Variants in GRIN2A observed in about 807,000 individuals in gnomAD.
The protein encoded by GRIN2A is glutamate ionotropic receptor NMDA type subunit 2A.
Under a neutral mutation model 113.4 loss-of-function variants are expected in GRIN2A, and 22 were observed. The observed-to-expected ratio is 0.19, with a 90% CI of 0.14 to 0.28. The LOEUF (loss-of-function observed/expected upper bound fraction) is 0.28. GRIN2A is among the 10% of genes least tolerant of loss of function. GRIN2A has a pLI of 1.00. For missense variants in GRIN2A, 1,502 were observed against 1,887.0 expected (o/e 0.80, Z 3.78); for synonymous variants, 827 against 738.4 (o/e 1.12, Z -1.94).
At chr16:9,984,799 G>C (rs1471071095) in intron 2 of GRIN2A, among the ~76,000 whole-genome samples, 2 of 152,092 alleles carry the variant, frequency 1.3e-5, no homozygotes, top group Admixed American at 6.5e-5. Flanking sequence ...GGGGCATCCT[G>C]TCTCATAATT....
rs886052515 is a variant in GRIN2A at position 9,754,523 on chromosome 16, C to G, written c.*8626G>C. 9.4e-6 allele frequency: 2 copies of G among 212,350 alleles called. No homozygotes were observed. The highest frequency in any genetic ancestry group is 1.2e-4 in the Admixed American group (2 of 17,018). 13.2% of individuals were successfully genotyped at this position (212,350 alleles called of 1,614,324 possible). A position where few individuals can be genotyped will look rare whatever the true frequency, so the allele number is the denominator to read the frequency against. ...TTTCAAATTCATCAAAAATTTCAAACAAGATCACCTGGATTTGGCTCAAAT... is the reference window on the plus strand; with the variant it reads ...TTTCAAATTCATCAAAAATTTCAAAGAAGATCACCTGGATTTGGCTCAAAT... On this transcript the variant is annotated 3_prime_UTR_variant, in exon 13 of 13. Transcript: ENST00000330684.
chr16:9,769,612 C>G (rs548776944), intron 11 of GRIN2A, among the ~76,000 whole-genome samples: 2 of 152,042 alleles, frequency 1.3e-5, no homozygotes, highest in African/African-American at 4.8e-5. Flanking sequence ...TGATCATCTG[C>G]TAGCTGCATG....
At chr16:9,996,273 C>G (rs1263070803) in intron 2 of GRIN2A, among the ~76,000 whole-genome samples, 2 of 152,134 alleles carry the variant, frequency 1.3e-5, no homozygotes, top group African/African-American at 4.8e-5. Flanking sequence ...CATAACCTGC[C>G]TCTTTCACCT....
chr16:9,773,030 C>A (rs1567285949), intron 11 of GRIN2A, among the ~76,000 whole-genome samples: 1 of 151,292 alleles, frequency 6.6e-6, no homozygotes, highest in South Asian at 2.1e-4. Flanking sequence ...CCCTCTTTGA[C>A]TAGCGTACTG....
At chr16:10,118,207 T>C (rs753725462) in intron 2 of GRIN2A, among the ~76,000 whole-genome samples, 7 of 152,222 alleles carry the variant, frequency 4.6e-5, no homozygotes, top group Non-Finnish European at 8.8e-5. Context: ...CATTGTTATA[T>C]ATCTGTATTC....
chr16:10,012,150 T>C (rs572320629), intron 2 of GRIN2A, among the ~76,000 whole-genome samples: 1 of 152,366 alleles, frequency 6.6e-6, no homozygotes, highest in African/African-American at 2.4e-5. Flanking sequence ...AATGTTTTCT[T>C]GAGTGGGAGC....
chr16:10,008,060 G>A (rs951458185), intron 2 of GRIN2A, among the ~76,000 whole-genome samples: 4 of 152,046 alleles, frequency 2.6e-5, no homozygotes, highest in African/African-American at 7.2e-5. Context: ...CATACAGTAG[G>A]CACTCTATGA....
At chr16:10,024,700 G>T (rs1456955898) in intron 2 of GRIN2A, among the ~76,000 whole-genome samples, 1 of 152,122 alleles carries the variant, frequency 6.6e-6, no homozygotes, top group African/African-American at 2.4e-5. Context: ...GTGTCAAGAT[G>T]AGAAGCCTAA....
chr16:9,835,842 T>C (rs1452146853), intron 7 of GRIN2A, among the ~76,000 whole-genome samples: 6 of 152,204 alleles, frequency 3.9e-5, no homozygotes, highest in African/African-American at 1.4e-4. Flanking sequence ...ATGTCCGAAC[T>C]TAACTTTAGC....
intron 8 of GRIN2A, among the ~76,000 whole-genome samples, chr16:9,831,096 A>G (rs2042483885): frequency 6.6e-6 from 1 of 152,216 alleles, no homozygotes; most frequent in Admixed American, 6.5e-5. Context: ...CATTTTGTAC[A>G]AAGAAACAAG....
intron 2 of GRIN2A, among the ~76,000 whole-genome samples, chr16:10,004,112 C>A (rs2046366160): frequency 1.3e-5 from 2 of 152,010 alleles, no homozygotes; most frequent in African/African-American, 2.4e-5. Context: ...ACAATTAGGC[C>A]CGGCATGGTG....
At chr16:10,176,332 T>A (rs994658058) in intron 2 of GRIN2A, among the ~76,000 whole-genome samples, 2 of 152,156 alleles carry the variant, frequency 1.3e-5, no homozygotes, top group African/African-American at 4.8e-5. Flanking sequence ...TTAGTTATAT[T>A]GCAAGACTAC....
chr16:9,818,166 G>T (rs2042219086), intron 10 of GRIN2A, among the ~76,000 whole-genome samples: 1 of 152,038 alleles, frequency 6.6e-6, no homozygotes, highest in Non-Finnish European at 1.5e-5. Flanking sequence ...TGAGTGTGGT[G>T]ACGTGGACAC....
intron 4 of GRIN2A, among the ~76,000 whole-genome samples, chr16:9,871,820 C>T (rs752777892): frequency 2.6e-5 from 4 of 152,156 alleles, no homozygotes; most frequent in African/African-American, 4.8e-5. Context: ...AACTAAGCTC[C>T]ATTCGCTTCC....
chr16:9,899,413 C>T (rs980777121), intron 3 of GRIN2A, among the ~76,000 whole-genome samples: 3 of 112,146 alleles, frequency 2.7e-5, no homozygotes, highest in Non-Finnish European at 5.0e-5. Flanking sequence ...GCACTCTAGC[C>T]TGGGCAACAA....
intron 2 of GRIN2A, among the ~76,000 whole-genome samples, chr16:9,985,707 G>T (rs2045967174): frequency 6.6e-6 from 1 of 152,156 alleles, no homozygotes; most frequent in Admixed American, 6.5e-5. Flanking sequence ...AGGAAGGGTA[G>T]TTGGGGGATG....
intron 2 of GRIN2A, among the ~76,000 whole-genome samples, chr16:10,165,856 A>C (rs1444618373): frequency 3.3e-5 from 5 of 152,108 alleles, no homozygotes; most frequent in Non-Finnish European, 7.4e-5. Flanking sequence ...AGTATCAATT[A>C]ACCAAGGCAA....
intron 2 of GRIN2A, among the ~76,000 whole-genome samples, chr16:9,992,542 C>A (rs1033173710): frequency 6.6e-6 from 1 of 152,176 alleles, no homozygotes; most frequent in Non-Finnish European, 1.5e-5. Context: ...GAAAATAACC[C>A]GCCTCGTTTT....
chr16:9,946,107 C>T (rs545599848), intron 2 of GRIN2A, among the ~76,000 whole-genome samples: 1 of 152,180 alleles, frequency 6.6e-6, no homozygotes, highest in African/African-American at 2.4e-5. Context: ...GAACTCAGCC[C>T]TGCTTTCTAG....
Sources: gnomAD v4.1 joint callset for allele counts (sites outside exome capture counted in the v4.1 genomes callset) on GRCh38, gnomAD v4.1.1 for gene constraint, MANE v1.5 for transcripts, NCBI Gene and HGNC (gene_info 2026-07-23, HGNC 2026-07-21) for gene names.